HJV: variants seen among roughly 807,000 people sequenced by gnomAD.
The protein encoded by HJV is hemojuvelin BMP co-receptor, also known as hemojuvelin.
HJV carries 18 observed loss-of-function variants against 22.7 expected under a neutral mutation model. The observed-to-expected ratio is 0.79, with a 90% CI of 0.55 to 1.18. HJV has a LOEUF of 1.18. HJV is among the 50% of genes most tolerant of loss of function. HJV has a pLI of 0.00. For synonymous variants in HJV, 229 were observed against 222.7 expected (o/e 1.03, Z -0.25); for missense variants, 572 against 553.0 (o/e 1.03, Z -0.34).
chr1:146,020,509 C>T (rs1036678767), intron 1 of HJV, among the ~76,000 whole-genome samples, 189 bp from the exon 2 acceptor site: 1 of 151,994 alleles, frequency 6.6e-6, no homozygotes, highest in South Asian at 2.1e-4. Context: ...CTTTTAGGGC[C>T]CTTGTGCAAT....
chr1:146,019,186 C>T lies in HJV; in HGVS notation c.646G>A (p.Ala216Thr). Reference sequence around the variant, plus strand: ...ATTGAGTGCCTGACCTTCCGGGTGGCGGTAGCGTTGGCCCCCAACGCCATG... The same window carrying T: ...ATTGAGTGCCTGACCTTCCGGGTGGTGGTAGCGTTGGCCCCCAACGCCATG... ...SPMALGANAT[A>T]TRKLTIIFKN... Residue 216 changes from alanine (A) to threonine (T), a missense_variant, in exon 3 of 4, where the codon GCC becomes ACC. By Grantham distance (58) the Ala-to-Thr change is moderately conservative (BLOSUM62 0). Coordinates refer to ENST00000336751, the MANE Select transcript of HJV (RefSeq NM_213653.4). The T allele has an allele frequency of 6.2e-7, 1 of 1,613,910 alleles. No homozygotes were observed. Among genetic ancestry groups the T allele is most frequent in the Non-Finnish European group, 8.5e-7 (1 of 1,179,818 alleles).
In HJV at chr1:146,019,716, A is replaced by G. The variant is rs1347415302; in HGVS notation, c.116T>C (p.Ile39Thr). ...TACGTACTCAGCATTGCAGCGGAGG[A>G]TCTTGCATTGAGAATGAGCTAAAGA... ...LCGHAHSQCK[I>T]LRCNAEYVSS... The change falls in exon 3 of 4, where the codon ATC (isoleucine) becomes ACC (threonine). Residue 39 changes from isoleucine (I) to threonine (T), a missense_variant. By Grantham distance (89) the Ile-to-Thr change is moderately conservative (BLOSUM62 -1). Coordinates refer to ENST00000336751, the MANE Select transcript of HJV (RefSeq NM_213653.4). 4 of 1,613,720 alleles carry G rather than the reference A, an allele frequency of 2.5e-6. No individual in the cohort carries two copies. The highest frequency in any genetic ancestry group is 1.7e-5 in the Admixed American group (1 of 59,980).
Position 146,020,186 on chromosome 1 carries a change from T to G in HJV, c.46A>C (p.Ser16Arg), listed in dbSNP as rs1303221814. ...QSPSPRSSHG[S>R]PPTLSTLTLL... ...GTGAGAGTGCTTAGAGTTGGGGGAC[T>G]GCCATGGGAGGACCTGGGACTAGGG... Residue 16 changes from serine to arginine, a missense_variant, in exon 2 of 4, where the codon AGT becomes CGT. Transcript: ENST00000336751. 3 of 1,613,470 alleles carry G rather than the reference T, an allele frequency of 1.9e-6. No individual in the cohort carries two copies. The highest frequency in any genetic ancestry group is 2.5e-6 in the Non-Finnish European group (3 of 1,179,556).
At chr1:146,021,218 G>C (rs972458982) in intron 1 of HJV, among the ~76,000 whole-genome samples, 4 of 152,222 alleles carry the variant, frequency 2.6e-5, no homozygotes, top group African/African-American at 9.6e-5. Context: ...GAAGGGCATT[G>C]CTAAGTGGGG....
intron 3 of HJV, 93 bp downstream of exon 3, chr1:146,019,082 G>A: frequency 9.5e-7 from 1 of 1,056,680 alleles, no homozygotes. Flanking sequence ...AAGGGAATTA[G>A]GGAGCATTGC....
chr1:146,019,254 A>T lies in HJV; in HGVS notation c.578T>A (p.Leu193Gln). 1.9e-6 allele frequency: 3 copies of T among 1,614,070 alleles called. No homozygotes were observed. The highest frequency in any genetic ancestry group is 2.5e-6 in the Non-Finnish European group (3 of 1,180,050). The change falls in exon 3 of 4, where the codon CTA becomes CAA. Residue 193 changes from leucine to glutamine, a missense_variant. Transcript: ENST00000336751. Reference sequence around the variant, plus strand: ...GACAAAGAGGAAGTCATTATCCAGTAGAGGCCAAGCTCCTTGGACACGGCA... The same window carrying T: ...GACAAAGAGGAAGTCATTATCCAGTTGAGGCCAAGCTCCTTGGACACGGCA... ...HTCRVQGAWP[L>Q]LDNDFLFVQA...
chr1:146,018,146 A>C lies in HJV; in HGVS notation c.1212T>G (p.Pro404=). ...LHLFPSDAGV[P]LSSATLLAPL... ...GAGCTAAGAGGGTTGCTGAGGAAAG[A>C]GGAACCCCAGCATCTGAGGGGAAGA... Residue 404 remains proline, a synonymous_variant, in exon 4 of 4, where the codon CCT becomes CCG. Coordinates refer to ENST00000336751, the MANE Select transcript of HJV (RefSeq NM_213653.4). The C allele has an allele frequency of 6.2e-7, 1 of 1,614,146 alleles. No homozygotes were observed. Among genetic ancestry groups the C allele is most frequent in the South Asian group, 1.1e-5 (1 of 91,074 alleles).
chr1:146,018,583 C>T lies in HJV; in HGVS notation c.775G>A (p.Gly259Arg). 6.2e-7 allele frequency: 1 copy of T among 1,614,198 alleles called. No individual in the cohort carries two copies. The highest frequency in any genetic ancestry group is 8.5e-7 in the Non-Finnish European group (1 of 1,180,038). The change falls in exon 4 of 4, where the codon GGG (glycine) becomes AGG (arginine). Residue 259 changes from glycine to arginine, a missense_variant. By Grantham distance (125) the Gly-to-Arg change is moderately radical. Coordinates refer to ENST00000336751, the MANE Select transcript of HJV (RefSeq NM_213653.4). ...GTTTGAATCGACAAACTGGATCCCC[C>T]AGGTCGGTCACCTCCATTGATAGAA... ...DGSINGGDRP[G>R]GSSLSIQTAN... is the part of the protein sequence containing the mutation.
rs192141914 is a variant in HJV at position 146,018,851 on chromosome 1, G to C, written c.658-151C>G. ...GATCCCTTCTCCTATTTATGTTCCA[G>C]TATTACCTCATCCCTACTTAACCCC... On this transcript the variant is annotated intron_variant, in intron 3 of 3. Coordinates refer to ENST00000336751, the MANE Select transcript of HJV (RefSeq NM_213653.4). 134 of 918,352 alleles carry C rather than the reference G, an allele frequency of 1.5e-4. No homozygotes were observed. The Admixed American group carries it at 2.3e-3, about 16-fold the overall frequency. 56.9% of individuals were successfully genotyped at this position (918,352 alleles called of 1,614,324 possible).
rs1652497049 is a variant in HJV, at chr1:146,018,603, A to G, written c.755T>C (p.Ile252Thr). The change falls in exon 4 of 4, where the codon ATC (isoleucine) becomes ACC (threonine). Residue 252 changes from isoleucine (I) to threonine (T), a missense_variant. Coordinates refer to ENST00000336751, the MANE Select transcript of HJV (RefSeq NM_213653.4). ...TCCCCCAGGTCGGTCACCTCCATTG[A>G]TAGAACCATCTTCAAAGGCTACAGG... ...NLPVAFEDGS[I>T]NGGDRPGGSS... The G allele has an allele frequency of 1.2e-6, 2 of 1,614,074 alleles. No homozygotes were observed. Among genetic ancestry groups the G allele is most frequent in the Non-Finnish European group, 1.7e-6 (2 of 1,180,034 alleles).
At position 146,019,677 on chromosome 1, in the gene HJV, C is replaced by T. The variant is rs1571046453; in HGVS notation, c.155G>A (p.Ser52Asn). 2.5e-6 allele frequency: 4 copies of T among 1,614,066 alleles called. No individual in the cohort carries two copies. The highest frequency in any genetic ancestry group is 1.6e-4 in the Middle Eastern group (1 of 6,062). The change falls in exon 3 of 4, where the codon AGC becomes AAC. Residue 52 changes from serine to asparagine, a missense_variant. By Grantham distance (46) the Ser-to-Asn change is conservative (BLOSUM62 1). Transcript: ENST00000336751. ...TCCTGATGAACCCCCACCTCTAAGG[C>T]TCAGAGTGGACGATACGTACTCAGC... ...CNAEYVSSTLSLRGGGSSGAL... is the reference protein window; with the variant it reads ...CNAEYVSSTLNLRGGGSSGAL...
At position 146,020,010 on chromosome 1, in the gene HJV, G is replaced by GAGC. The variant is rs1472262356; in HGVS notation, c.97+122_97+124dup. On this transcript the variant is annotated intron_variant, in intron 2 of 3. Coordinates refer to ENST00000336751, the MANE Select transcript of HJV (RefSeq NM_213653.4). ...CGGGAAATAAAATATTAGTATTTGA[G>GAGC]AGCAGGGCGAGTGATCGGGACTCTC... is the stretch of plus-strand genomic sequence containing the variant. 1.2e-4 allele frequency: 99 copies of GAGC among 837,200 alleles called. No homozygotes were observed. The Admixed American group carries it at 1.6e-3, about 14-fold the overall frequency. 51.9% of individuals were successfully genotyped at this position (837,200 alleles called of 1,614,324 possible). A position where few individuals can be genotyped will look rare whatever the true frequency, so the allele number is the denominator to read the frequency against.
chr1:146,021,480 T>A (rs996647424), intron 1 of HJV, 107 bp downstream of exon 1: 6 of 152,756 alleles, frequency 3.9e-5, no homozygotes, highest in Non-Finnish European at 5.9e-5. Context: ...TAGGGAGAGA[T>A]CCCAGCATTT....
Position 146,018,035 on chromosome 1 carries a change from C to T in HJV, c.*42G>A, listed in dbSNP as rs1322840788. 6.2e-7 allele frequency: 1 copy of T among 1,605,074 alleles called. No individual in the cohort carries two copies. Among genetic ancestry groups the T allele is most frequent in the East Asian group, 2.2e-5 (1 of 44,844 alleles). ...TACATTCTTCTATGCCAATCTGTATCTCCAAATCATTTCCAAACTAGTAAT... is the reference window on the plus strand; with the variant it reads ...TACATTCTTCTATGCCAATCTGTATTTCCAAATCATTTCCAAACTAGTAAT... On this transcript the variant is annotated 3_prime_UTR_variant, in exon 4 of 4. Coordinates refer to ENST00000336751, the MANE Select transcript of HJV (RefSeq NM_213653.4).
At position 146,020,164 on chromosome 1, in the gene HJV, A is replaced by G; in HGVS notation, c.68T>C (p.Leu23Pro). The G allele has an allele frequency of 1.9e-6, 3 of 1,612,360 alleles. No homozygotes were observed. The highest frequency in any genetic ancestry group is 1.3e-5 in the African/African-American group (1 of 74,910). Residue 23 changes from leucine to proline, a missense_variant, in exon 2 of 4, where the codon CTC (leucine) becomes CCC (proline). By Grantham distance (98) the Leu-to-Pro change is moderately conservative (BLOSUM62 -3). Coordinates refer to ENST00000336751, the MANE Select transcript of HJV (RefSeq NM_213653.4). ...SHGSPPTLST[L>P]TLLLLLCGHA... ...TCCACAGAGGAGCAGCAGGAGAGTG[A>G]GAGTGCTTAGAGTTGGGGGACTGCC... is the stretch of plus-strand genomic sequence containing the variant.
At position 146,020,048 on chromosome 1, in the gene HJV, T is replaced by C. The variant is rs1393504872; in HGVS notation, c.97+87A>G. 3 of 941,304 alleles carry C rather than the reference T, an allele frequency of 3.2e-6. No homozygotes were observed. The Admixed American group carries it at 5.2e-5, about 16-fold the overall frequency. 58.3% of individuals were successfully genotyped at this position (941,304 alleles called of 1,614,324 possible). On this transcript the variant is annotated intron_variant, in intron 2 of 3. Coordinates refer to ENST00000336751, the MANE Select transcript of HJV (RefSeq NM_213653.4). ...GATCGGGACTCTCAGCGCCTATCTC[T>C]CCTCACTCATTCAGGCTCACATGCC...
At chr1:146,018,998 A>G (rs1293379818) in intron 3 of HJV, among the ~76,000 whole-genome samples, 177 bp downstream of exon 3, 5 of 152,162 alleles carry the variant, frequency 3.3e-5, no homozygotes, top group African/African-American at 1.2e-4. Context: ...ATTCCCATCA[A>G]GGGGAAGTGA....
chr1:146,018,005 T>C lies in HJV; in HGVS notation c.*72A>G, dbSNP rs1652434466. On this transcript the variant is annotated 3_prime_UTR_variant, in exon 4 of 4. Coordinates refer to ENST00000336751, the MANE Select transcript of HJV (RefSeq NM_213653.4). Reference sequence around the variant, plus strand: ...TCCTAGGCCCTGCTTCCTTTAATGATTCTTTACATTCTTCTATGCCAATCT... The same window carrying C: ...TCCTAGGCCCTGCTTCCTTTAATGACTCTTTACATTCTTCTATGCCAATCT... The C allele has an allele frequency of 3.9e-6, 6 of 1,540,470 alleles. No homozygotes were observed. In the Admixed American group the frequency reaches 8.4e-5, roughly 22 times the overall value.
At position 146,019,665 on chromosome 1, in the gene HJV, C is replaced by T. The variant is rs1553769781; in HGVS notation, c.167G>A (p.Gly56Glu). 6.2e-7 allele frequency: 1 copy of T among 1,614,122 alleles called. No homozygotes were observed. ...YVSSTLSLRG[G>E]GSSGALRGGG... is the part of the protein sequence containing the mutation. ...TCCTCGAAGTGCTCCTGATGAACCC[C>T]CACCTCTAAGGCTCAGAGTGGACGA... Residue 56 changes from glycine (G) to glutamate (E), a missense_variant, in exon 3 of 4, where the codon GGG becomes GAG. Transcript: ENST00000336751.
Sources: allele counts gnomAD v4.1 joint callset (sites outside exome capture counted in the v4.1 genomes callset), GRCh38; gene constraint gnomAD v4.1.1; transcripts MANE v1.5; gene names NCBI Gene and HGNC (gene_info 2026-07-23, HGNC 2026-07-21).